The following S100PBP variants were observed in gnomAD, a reference collection of about 807,000 sequenced individuals.
S100PBP encodes S100P-binding protein.
In S100PBP, 15 loss-of-function variants were observed where a neutral mutation model predicts 39.9. The ratio of observed to expected loss-of-function variants is 0.38; its 90% confidence interval spans 0.25 to 0.58. S100PBP has a LOEUF of 0.58. Among genes scored for constraint, S100PBP ranks in the 20% least tolerant of loss-of-function variants. The pLI, the probability that S100PBP is intolerant of heterozygous loss-of-function variation, is 0.70. For missense variants in S100PBP, 504 were observed against 487.3 expected (o/e 1.03, Z -0.32); for synonymous variants, 178 against 180.3 (o/e 0.99, Z 0.10).
At chr1:32,855,829 A>G (rs1179552015) in intron 6 of S100PBP, 95 bp from the exon 7 acceptor site, 6 of 642,658 alleles carry the variant, frequency 9.3e-6, no homozygotes, top group Non-Finnish European at 1.6e-5. Context: ...AAAAGTAAAG[A>G]TCTTCTTAAA....
chr1:32,844,851 T>G (rs956145211), intron 5 of S100PBP, among the ~76,000 whole-genome samples: 1 of 151,414 alleles, frequency 6.6e-6, no homozygotes, highest in African/African-American at 2.4e-5. Context: ...TTTTTTGAGA[T>G]GGACTCTCGC....
At chr1:32,848,306 CA>C (rs890920369) in intron 5 of S100PBP, among the ~76,000 whole-genome samples, 1 of 150,674 alleles carries the variant, frequency 6.6e-6, no homozygotes, top group East Asian at 1.9e-4. Flanking sequence ...AACTCCGTCT[CA>C]AAAAAAAATA....
At chr1:32,849,228 T>G (rs1412340487) in intron 5 of S100PBP, among the ~76,000 whole-genome samples, 2 of 151,832 alleles carry the variant, frequency 1.3e-5, no homozygotes, top group East Asian at 1.9e-4. Context: ...CACTGCAGCC[T>G]CCACCTCATG....
chr1:32,846,141 C>T (rs1320700138), intron 5 of S100PBP, among the ~76,000 whole-genome samples: 1 of 151,850 alleles, frequency 6.6e-6, no homozygotes, highest in South Asian at 2.1e-4. Flanking sequence ...AGGTGCATGC[C>T]ACTACACCCG....
upstream of S100PBP, chr1:32,817,496 G>T: frequency 1.7e-6 from 1 of 603,394 alleles, no homozygotes; most frequent in South Asian, 2.0e-5. Context: ...CGGAGGGCGG[G>T]GCTGAGGCGC....
At chr1:32,854,591 G>C (rs785276) in intron 6 of S100PBP, among the ~76,000 whole-genome samples, 147,692 of 152,276 alleles carry the variant, frequency 0.97, 71,787 homozygotes, top group East Asian at 1. Context: ...CTCCTAAATG[G>C]CCTCCCTGCT....
At chr1:32,830,094 A>G (rs764473020) in intron 5 of S100PBP, 27 bp downstream of exon 5, 2 of 1,362,040 alleles carry the variant, frequency 1.5e-6, no homozygotes, top group Admixed American at 3.4e-5. Context: ...AGAAAGGCAT[A>G]TAAAACATGT....
At chr1:32,852,393 A>T (rs191067950) in intron 5 of S100PBP, among the ~76,000 whole-genome samples, 268 of 152,066 alleles carry the variant, frequency 1.8e-3, no homozygotes, top group Middle Eastern at 6.9e-3. Context: ...ATCTATCTCC[A>T]TGTAAGATTT....
intron 5 of S100PBP, among the ~76,000 whole-genome samples, chr1:32,838,259 G>A (rs1031631081): frequency 1.7e-4 from 26 of 150,822 alleles, no homozygotes; most frequent in African/African-American, 2.9e-4. Context: ...GCATGAACCC[G>A]GGAGGCGGAG....
intron 1 of S100PBP, 89 bp from the exon 2 acceptor site, chr1:32,825,224 C>G (rs1262905188): frequency 1.3e-5 from 2 of 152,034 alleles, no homozygotes; most frequent in Admixed American, 6.6e-5. Flanking sequence ...ATTAATACAT[C>G]GAGCACCTTA....
At chr1:32,823,850 C>T (rs1480304954) in intron 1 of S100PBP, among the ~76,000 whole-genome samples, 3 of 152,348 alleles carry the variant, frequency 2.0e-5, no homozygotes, top group East Asian at 3.9e-4. Flanking sequence ...CATAAAGAGA[C>T]ATATGCAGCT....
In S100PBP at chr1:32,826,315, T is replaced by G; in HGVS notation, c.216T>G (p.Ser72=). 6.2e-7 allele frequency: 1 copy of G among 1,614,104 alleles called. No individual in the cohort carries two copies. The highest frequency in any genetic ancestry group is 8.5e-7 in the Non-Finnish European group (1 of 1,179,992). ...AAGATGACCCATCATATGAGCAGTC[T>G]TCTGGGGAAGATGATGGTGGGCATG... is the stretch of plus-strand genomic sequence containing the variant. The part of the protein sequence containing the change: ...LKEDDPSYEQ[S]SGEDDGGHVE... The change falls in exon 3 of 7, where the codon TCT becomes TCG. Residue 72 remains serine, a synonymous_variant. Coordinates refer to ENST00000373475, the MANE Select transcript of S100PBP (RefSeq NM_022753.4).
At position 32,826,700 on chromosome 1, in the gene S100PBP, A is replaced by C. The variant is rs145876761; in HGVS notation, c.601A>C (p.Ser201Arg). Residue 201 changes from serine (S) to arginine (R), a missense_variant, in exon 3 of 7, where the codon AGC (serine) becomes CGC (arginine). Transcript: ENST00000373475. ...SKLCTESEGI[S>R]PNNSAWNGPQ... ...ACTTTGTACTGAATCTGAAGGGATC[A>C]GCCCCAATAACTCTGCCTGGAATGG... The C allele has an allele frequency of 6.2e-7, 1 of 1,614,066 alleles. No individual in the cohort carries two copies. The highest frequency in any genetic ancestry group is 1.7e-5 in the Admixed American group (1 of 59,998).
intron 5 of S100PBP, among the ~76,000 whole-genome samples, chr1:32,834,328 A>G (rs909473287): frequency 3.9e-5 from 6 of 152,206 alleles, no homozygotes; most frequent in Non-Finnish European, 4.4e-5. Context: ...ATAGCATCTA[A>G]TCAAAGTTCA....
chr1:32,832,507 A>C (rs1639644222), intron 5 of S100PBP, among the ~76,000 whole-genome samples: 1 of 152,198 alleles, frequency 6.6e-6, no homozygotes, highest in Non-Finnish European at 1.5e-5. Context: ...TAAAAATTTC[A>C]CAGACCTCTG....
intron 1 of S100PBP, chr1:32,818,638 G>C (rs1011812278): frequency 1.3e-5 from 2 of 152,260 alleles, no homozygotes; most frequent in Non-Finnish European, 2.9e-5. Flanking sequence ...TGTGGGAGGA[G>C]AATCCTGGCA....
rs77481617 is a variant in S100PBP, at chr1:32,829,554, G to A, written c.921-410G>A. Among the ~76,000 whole-genome samples the A allele has an allele frequency of 3.1e-3, 472 of 152,158 alleles. 2 individuals are homozygous for A. The highest frequency in any genetic ancestry group is 0.011 in the African/African-American group (459 of 41,500). ...CATAGCTCACAGCAGCCTTGAACTC[G>A]TGGACTCAAGTCATCCTCCCTCCTC... On this transcript the variant is annotated intron_variant, in intron 4 of 6. Coordinates refer to ENST00000373475, the MANE Select transcript of S100PBP (RefSeq NM_022753.4).
rs967512606 is a variant in S100PBP, at chr1:32,836,607, G to C, written c.1024+6540G>C. Reference sequence around the variant, plus strand: ...TTTTGTAGAGTTGTTAATTGCTTCAGTTTCTTTCATTAAATTTTTTTTTTG... The same window carrying C: ...TTTTGTAGAGTTGTTAATTGCTTCACTTTCTTTCATTAAATTTTTTTTTTG... On this transcript the variant is annotated intron_variant, in intron 5 of 6. Coordinates refer to ENST00000373475, the MANE Select transcript of S100PBP (RefSeq NM_022753.4). 27 of 977,774 alleles carry C rather than the reference G, an allele frequency of 2.8e-5. 1 individual carries two copies. The Admixed American group carries it at 1.4e-3, about 51-fold the overall frequency. The allele number at this position is 977,774 out of a possible 1,614,324, so 60.6% of individuals were successfully genotyped here.
intron 5 of S100PBP, among the ~76,000 whole-genome samples, chr1:32,839,106 T>G (rs980394241): frequency 6.6e-6 from 1 of 152,140 alleles, no homozygotes; most frequent in Admixed American, 6.6e-5. Context: ...AATCCATAGC[T>G]CTATACCCAT....
Sources: allele counts gnomAD v4.1 joint callset (sites outside exome capture counted in the v4.1 genomes callset), GRCh38; gene constraint gnomAD v4.1.1; transcripts MANE v1.5; gene names NCBI Gene and HGNC (gene_info 2026-07-23, HGNC 2026-07-21).